ZNF484: variants seen among roughly 807,000 people sequenced by gnomAD.
The protein encoded by ZNF484 is KRAB box containing C2H2 type zinc finger bA526D8.4.
ZNF484 carries 11 observed loss-of-function variants against 12.9 expected under a neutral mutation model. That is an observed-to-expected ratio of 0.85 (90% CI 0.54 to 1.41). The LOEUF (loss-of-function observed/expected upper bound fraction) is 1.41, where lower values mean the gene tolerates loss of function less well. Among genes scored for constraint, ZNF484 ranks in the 40% most tolerant of loss-of-function variants. ZNF484 has a pLI of 0.00. For missense variants in ZNF484, 807 were observed against 1,007.7 expected (o/e 0.80, Z 2.70); for synonymous variants, 289 against 334.1 (o/e 0.86, Z 1.47).
chr9:92,865,211 A>T (rs928153173), intron 2 of ZNF484, among the ~76,000 whole-genome samples: 1 of 152,154 alleles, frequency 6.6e-6, no homozygotes, highest in Non-Finnish European at 1.5e-5. Flanking sequence ...AGGCCAAGGC[A>T]GGAGGATTGC....
intron 2 of ZNF484, among the ~76,000 whole-genome samples, chr9:92,861,213 AT>A (rs1564109878): frequency 6.6e-6 from 1 of 152,234 alleles, no homozygotes; most frequent in African/African-American, 2.4e-5. Context: ...AGAAAACAGA[AT>A]CTCATAACAT....
In ZNF484 at chr9:92,847,399, G is replaced by T. The variant is rs1855719952; in HGVS notation, c.1388C>A (p.Thr463Lys). Residue 463 changes from threonine to lysine, a missense_variant, in exon 5 of 5, where the codon ACA becomes AAA. Coordinates refer to ENST00000375495, the MANE Select transcript of ZNF484 (RefSeq NM_031486.4). ...SQLHVHQRIH[T>K]GENPFICSEC... ...TGAACATATAAAGGGATTCTCTCCT[G>T]TGTGAATTCGCTGATGCACATGGAG... 3 of 1,613,926 alleles carry T rather than the reference G, an allele frequency of 1.9e-6. No individual in the cohort carries two copies. Among genetic ancestry groups the T allele is most frequent in the East Asian group, 4.5e-5 (2 of 44,862 alleles).
chr9:92,856,110 A>G (rs1345758888), intron 3 of ZNF484, 82 bp downstream of exon 3: 1 of 1,567,794 alleles, frequency 6.4e-7, no homozygotes, highest in Non-Finnish European at 8.7e-7. Flanking sequence ...CTCAGAAAAC[A>G]CAGACTTCAG....
At chr9:92,873,573 T>C (rs1462861431) in intron 2 of ZNF484, among the ~76,000 whole-genome samples, 1 of 152,216 alleles carries the variant, frequency 6.6e-6, no homozygotes, top group Admixed American at 6.5e-5. Flanking sequence ...CTCTGGAGAA[T>C]TCTACCAAAT....
At chr9:92,864,427 T>A (rs1225366150) in intron 2 of ZNF484, among the ~76,000 whole-genome samples, 1 of 151,768 alleles carries the variant, frequency 6.6e-6, no homozygotes, top group African/African-American at 2.4e-5. Context: ...AAAATGAGAA[T>A]GACATAGAGA....
rs556310611 is a variant in ZNF484, at chr9:92,844,963, C to T, written c.*1265G>A. On this transcript the variant is annotated 3_prime_UTR_variant, in exon 5 of 5. Coordinates refer to ENST00000375495, the MANE Select transcript of ZNF484 (RefSeq NM_031486.4). The stretch of plus-strand genomic sequence containing the variant: ...AGAATCCAAATATACAAAATTAATA[C>T]CATATAAGAGACAAATAAATGAAAT... 6.6e-6 allele frequency: 1 copy of T among 152,168 alleles called. No homozygotes were observed. Among genetic ancestry groups the T allele is most frequent in the African/African-American group, 2.4e-5 (1 of 41,554 alleles). 9.4% of individuals were successfully genotyped at this position (152,168 alleles called of 1,614,324 possible).
At chr9:92,877,434 AAG>A (rs139304319) in intron 1 of ZNF484, among the ~76,000 whole-genome samples, 4,947 of 152,288 alleles carry the variant, frequency 0.032, 160 homozygotes, top group African/African-American at 0.085. Context: ...CTGGATATGA[AAG>A]AGAACAAAAT....
chr9:92,867,470 G>A (rs528016803), intron 2 of ZNF484, among the ~76,000 whole-genome samples: 1 of 151,908 alleles, frequency 6.6e-6, no homozygotes, highest in Non-Finnish European at 1.5e-5. Context: ...CAACAAGAGC[G>A]AAACTCCATC....
At chr9:92,850,579 G>A (rs1856008451) in intron 4 of ZNF484, among the ~76,000 whole-genome samples, 1 of 151,960 alleles carries the variant, frequency 6.6e-6, no homozygotes, top group African/African-American at 2.4e-5. Context: ...GTAACAATTG[G>A]TCTATTTTCT....
rs747182349 is a variant in ZNF484, at chr9:92,848,202, G to A, written c.585C>T (p.Asn195=). 2 of 1,613,936 alleles carry A rather than the reference G, an allele frequency of 1.2e-6. No individual in the cohort carries two copies. The highest frequency in any genetic ancestry group is 1.3e-5 in the African/African-American group (1 of 74,894). The change falls in exon 5 of 5, where the codon AAC becomes AAT. Residue 195 remains asparagine (N), a synonymous_variant. Transcript: ENST00000375495. This position sits in a 1 kb window ranked among gnomAD's most constrained non-coding sequence, Gnocchi z 4.1. ...LEPIITLYNR[N]NATENSDKTI... is the part of the protein sequence containing the mutation. ...TCTTATCAGAATTTTCTGTTGCATT[G>A]TTTCTATTATATAAGGTTATGATAG...
intron 2 of ZNF484, 74 bp downstream of exon 2, chr9:92,874,941 T>C: frequency 7.2e-7 from 1 of 1,385,494 alleles, no homozygotes; most frequent in African/African-American, 1.4e-5. Flanking sequence ...CTATAGGGAT[T>C]GTTAGATGTC....
At chr9:92,875,746 C>T (rs750494690) in intron 1 of ZNF484, among the ~76,000 whole-genome samples, 5 of 152,192 alleles carry the variant, frequency 3.3e-5, no homozygotes, top group Admixed American at 1.3e-4. Context: ...ACCACTGACA[C>T]AACTAGGCTA....
In ZNF484 at chr9:92,846,013, C is replaced by T. The variant is rs1183428822; in HGVS notation, c.*215G>A. 1.3e-5 allele frequency: 7 copies of T among 552,896 alleles called. No homozygotes were observed. The highest frequency in any genetic ancestry group is 2.2e-5 in the Non-Finnish European group (7 of 317,258). The allele number at this position is 552,896 out of a possible 1,614,324, so 34.2% of individuals were successfully genotyped here. A position where few individuals can be genotyped will look rare whatever the true frequency, so the allele number is the denominator to read the frequency against. On this transcript the variant is annotated 3_prime_UTR_variant, in exon 5 of 5. Coordinates refer to ENST00000375495, the MANE Select transcript of ZNF484 (RefSeq NM_031486.4). ...GGTACCCAGAACATGAAAAACTCAA[C>T]AGCCATGAATTTATAAAACTGTTTG...
At chr9:92,876,338 T>C (rs1436974295) in intron 1 of ZNF484, among the ~76,000 whole-genome samples, 1 of 151,972 alleles carries the variant, frequency 6.6e-6, no homozygotes, top group Admixed American at 6.5e-5. Flanking sequence ...AAGAGCTAAA[T>C]AGTAAACATC....
chr9:92,874,061 A>G (rs10739934), intron 2 of ZNF484, among the ~76,000 whole-genome samples: 63,079 of 152,076 alleles, frequency 0.41, 14,042 homozygotes, highest in African/African-American at 0.57. Flanking sequence ...GATCATGTCA[A>G]TTGGTACAGA....
intron 2 of ZNF484, among the ~76,000 whole-genome samples, chr9:92,866,922 A>G (rs1186465965): frequency 1.3e-5 from 2 of 152,240 alleles, no homozygotes; most frequent in African/African-American, 2.4e-5. Context: ...GTTCTCACTC[A>G]TAAGTGGGAG....
chr9:92,855,826 T>A lies in ZNF484; in HGVS notation c.220A>T (p.Ser74Cys), dbSNP rs754020413. 30 of 1,614,154 alleles carry A rather than the reference T, an allele frequency of 1.9e-5. No individual in the cohort carries two copies. Among genetic ancestry groups the A allele is most frequent in the Non-Finnish European group, 2.5e-5 (29 of 1,180,002 alleles). Residue 74 changes from serine to cysteine, a missense_variant, in exon 4 of 5, where the codon AGT becomes TGT. Ser to Cys is a moderately radical substitution (Grantham distance 112). Coordinates refer to ENST00000375495, the MANE Select transcript of ZNF484 (RefSeq NM_031486.4). ...CCCTTCTCACCTGGACGGCTCTGAC[T>A]GGGGATCTCACCATCCAACATACAT... is the stretch of plus-strand genomic sequence containing the variant. Reference protein sequence around the residue: ...EPCMLDGEIPSQSRPDGDIGF... With the variant: ...EPCMLDGEIPCQSRPDGDIGF...
intron 2 of ZNF484, among the ~76,000 whole-genome samples, chr9:92,857,752 A>G (rs771975449): frequency 2.0e-5 from 3 of 152,130 alleles, no homozygotes; most frequent in Non-Finnish European, 4.4e-5. Flanking sequence ...TCCTCTGTGG[A>G]GAAAGATTTT....
At position 92,846,163 on chromosome 9, in the gene ZNF484, C is replaced by CA; in HGVS notation, c.*64dup. ...CCACTATACATTGCTTAAACACTCT[C>CA]AAAAGTGTCTCCCCATATGTGTAAC... On this transcript the variant is annotated 3_prime_UTR_variant, in exon 5 of 5. Transcript: ENST00000375495. 1 of 1,522,458 alleles carries CA rather than the reference C, an allele frequency of 6.6e-7. No homozygotes were observed. Among genetic ancestry groups the CA allele is most frequent in the Non-Finnish European group, 8.9e-7 (1 of 1,129,932 alleles). 94.3% of individuals were successfully genotyped at this position (1,522,458 alleles called of 1,614,324 possible). A position where few individuals can be genotyped will look rare whatever the true frequency, so the allele number is the denominator to read the frequency against.
Sources: allele counts gnomAD v4.1 joint callset (sites outside exome capture counted in the v4.1 genomes callset), GRCh38; gene constraint gnomAD v4.1.1; non-coding constraint Gnocchi (gnomAD v3.1); transcripts MANE v1.5; gene names NCBI Gene and HGNC (gene_info 2026-07-23, HGNC 2026-07-21).